TMEM245: variants seen among roughly 807,000 people sequenced by gnomAD.
TMEM245 encodes the protein transmembrane protein 245.
TMEM245 carries 69 observed loss-of-function variants against 101.2 expected under a neutral mutation model. The observed-to-expected ratio is 0.68, with a 90% CI of 0.56 to 0.83. The LOEUF (loss-of-function observed/expected upper bound fraction) is 0.83, where lower values mean the gene tolerates loss of function less well. TMEM245 is among the 40% of genes least tolerant of loss of function. TMEM245 has a pLI of 0.00. For synonymous variants in TMEM245, 537 were observed against 449.8 expected (o/e 1.19, Z -2.45); for missense variants, 1,075 against 1,092.8 (o/e 0.98, Z 0.23).
At position 109,044,522 on chromosome 9, in the gene TMEM245, C is replaced by T. The variant is rs150016486; in HGVS notation, c.2123+5761G>A. Among the ~76,000 whole-genome samples the T allele has an allele frequency of 3.1e-3, 471 of 152,226 alleles. 10 individuals are homozygous for T. The highest frequency in any genetic ancestry group is 6.3e-4 in the Non-Finnish European group (43 of 68,020). On this transcript the variant is annotated intron_variant, in intron 14 of 17. Transcript: ENST00000374586. ...TTCTAAAGGACTGTCATTCCCCTTC[C>T]CAGTATTCTAGCCTCACTGCAATAT...
chr9:109,111,719 C>A (rs1325624993), intron 1 of TMEM245, among the ~76,000 whole-genome samples: 1 of 152,024 alleles, frequency 6.6e-6, no homozygotes, highest in African/African-American at 2.4e-5. Flanking sequence ...ATGCTATCTC[C>A]AAAAATTGAG....
At position 109,119,595 on chromosome 9, in the gene TMEM245, G is replaced by C; in HGVS notation, c.319C>G (p.His107Asp). The change falls in exon 1 of 18, where the codon CAC becomes GAC. Residue 107 changes from histidine to aspartate, a missense_variant. Physicochemically the swap from His to Asp is moderately conservative, Grantham distance 81. This residue lies in a region of TMEM245 where 808 missense variants were observed against 741.5 expected (regional missense o/e 1.09). Transcript: ENST00000374586. The part of the protein sequence containing the change: ...FKSSLTRLGR[H>D]WLQRLHRAHT... Reference sequence around the variant, plus strand: ...GCGCGGTGCAGGCGCTGCAGCCAGTGGCGGCCCAGGCGCGTCAGCGAGCTC... The same window carrying C: ...GCGCGGTGCAGGCGCTGCAGCCAGTCGCGGCCCAGGCGCGTCAGCGAGCTC... 6.4e-7 allele frequency: 1 copy of C among 1,552,176 alleles called. No individual in the cohort carries two copies. The highest frequency in any genetic ancestry group is 8.7e-7 in the Non-Finnish European group (1 of 1,152,848).
At chr9:109,093,367 G>T in intron 4 of TMEM245, 108 bp downstream of exon 4, 1 of 854,406 alleles carries the variant, frequency 1.2e-6, no homozygotes, top group Non-Finnish European at 1.9e-6. Context: ...ATAAATGAAG[G>T]ATCAGCAGGA....
chr9:109,055,617 CA>C (rs947318396), intron 12 of TMEM245, among the ~76,000 whole-genome samples: 24 of 151,202 alleles, frequency 1.6e-4, no homozygotes, highest in African/African-American at 5.6e-4. Flanking sequence ...ATGAAAATTT[CA>C]ATCACGGTTT....
intron 9 of TMEM245, among the ~76,000 whole-genome samples, chr9:109,066,425 A>C (rs1030592069): frequency 5.3e-5 from 7 of 131,982 alleles, no homozygotes; most frequent in South Asian, 2.6e-4. Context: ...ACTACCCTCC[A>C]GCCTGGGCAA....
chr9:109,080,621 G>A (rs1299134969), intron 8 of TMEM245, among the ~76,000 whole-genome samples: 1 of 151,802 alleles, frequency 6.6e-6, no homozygotes, highest in Non-Finnish European at 1.5e-5. Context: ...CAAGGGTTTC[G>A]ATAAAATAAA....
chr9:109,060,171 A>G (rs1828966900), intron 11 of TMEM245, among the ~76,000 whole-genome samples, 183 bp downstream of exon 11: 1 of 152,236 alleles, frequency 6.6e-6, no homozygotes. Flanking sequence ...AGAGATAGGC[A>G]GGTTCTGCCA....
chr9:109,017,055 A>G lies in TMEM245; in HGVS notation c.*3405T>C, dbSNP rs1588007505. On this transcript the variant is annotated 3_prime_UTR_variant, in exon 18 of 18. Transcript: ENST00000374586. Reference sequence around the variant, plus strand: ...TCTGAGTATTGCTTGACCAGTAGTGACACATTCCTGAGGCACTAATATAAC... The same window carrying G: ...TCTGAGTATTGCTTGACCAGTAGTGGCACATTCCTGAGGCACTAATATAAC... The G allele has an allele frequency of 6.6e-6, 1 of 152,294 alleles. No homozygotes were observed. Among genetic ancestry groups the G allele is most frequent in the East Asian group, 1.9e-4 (1 of 5,182 alleles). 9.4% of individuals were successfully genotyped at this position (152,294 alleles called of 1,614,324 possible).
In TMEM245 at chr9:109,064,560, G is replaced by T; in HGVS notation, c.1540C>A (p.Pro514Thr). 6.2e-7 allele frequency: 1 copy of T among 1,613,382 alleles called. No individual in the cohort carries two copies. The highest frequency in any genetic ancestry group is 8.5e-7 in the Non-Finnish European group (1 of 1,179,618). The change falls in exon 10 of 18, where the codon CCT becomes ACT. Residue 514 changes from proline to threonine, a missense_variant. By Grantham distance (38) the Pro-to-Thr change is conservative. Transcript: ENST00000374586. Reference sequence around the variant, plus strand: ...GCTCTTTGGACTACCTGAGCCTCAGGAAGCCAACTAATGTAAAACAAAGAA... The same window carrying T: ...GCTCTTTGGACTACCTGAGCCTCAGTAAGCCAACTAATGTAAAACAAAGAA... ...ANHPEWANWL[P>T]EAQVVQRALN...
chr9:109,020,948 C>A (rs1435026112), intron 17 of TMEM245, among the ~76,000 whole-genome samples: 3 of 152,146 alleles, frequency 2.0e-5, no homozygotes, highest in African/African-American at 7.2e-5. Flanking sequence ...AAATAGAAAT[C>A]GTAATCCAAC....
In TMEM245 at chr9:109,048,433, G is replaced by GA. The variant is rs1053984165; in HGVS notation, c.2123+1849dup. 3.2e-3 allele frequency among the ~76,000 whole-genome samples: 418 copies of GA among 131,994 alleles called. 1 individual carries two copies. The highest frequency in any genetic ancestry group is 3.9e-3 in the African/African-American group (141 of 35,886). 86.6% of individuals were successfully genotyped at this position (131,994 alleles called of 152,430 possible). ...AGATCAATCAGGTGCAATTATCAGA[G>GA]AAAAAAAAAAAAATCAAGATTTCTG... is the stretch of plus-strand genomic sequence containing the variant. On this transcript the variant is annotated intron_variant, in intron 14 of 17. Transcript: ENST00000374586.
intron 17 of TMEM245, among the ~76,000 whole-genome samples, chr9:109,032,322 A>G (rs1285824564): frequency 7.3e-6 from 1 of 136,756 alleles, no homozygotes; most frequent in Non-Finnish European, 1.5e-5. Flanking sequence ...CCAGAAATCT[A>G]TCCCAGACTC....
At chr9:109,047,038 A>T (rs7045668) in intron 14 of TMEM245, among the ~76,000 whole-genome samples, 1 of 152,126 alleles carries the variant, frequency 6.6e-6, no homozygotes, top group African/African-American at 2.4e-5. Context: ...TAGCCTTAAA[A>T]TTACATAACT....
At chr9:109,091,299 A>C in intron 4 of TMEM245, 144 bp from the exon 5 acceptor site, 1 of 650,276 alleles carries the variant, frequency 1.5e-6, no homozygotes, top group Non-Finnish European at 2.6e-6. Context: ...AAAGACAAAA[A>C]TATTTGGACC....
chr9:109,076,602 G>A (rs558129018), intron 8 of TMEM245, among the ~76,000 whole-genome samples: 19 of 151,502 alleles, frequency 1.3e-4, no homozygotes, highest in East Asian at 3.9e-4. Context: ...CCCCTTCCCC[G>A]CCAAAAAAAA....
chr9:109,107,716 G>C (rs1187940567), intron 2 of TMEM245, among the ~76,000 whole-genome samples: 1 of 152,090 alleles, frequency 6.6e-6, no homozygotes, highest in Admixed American at 6.6e-5. Context: ...TGCTGCTCTG[G>C]GTTACTGAAT....
intron 3 of TMEM245, among the ~76,000 whole-genome samples, chr9:109,100,732 T>C (rs1381866120): frequency 1.3e-5 from 2 of 152,222 alleles, no homozygotes; most frequent in African/African-American, 4.8e-5. Flanking sequence ...AGAAGTATCT[T>C]CATCTGTAAA....
chr9:109,021,479 G>A (rs1827619523), intron 17 of TMEM245, among the ~76,000 whole-genome samples: 1 of 148,068 alleles, frequency 6.8e-6, no homozygotes, highest in African/African-American at 2.5e-5. Context: ...AAAAATATTT[G>A]ACTTTACAGT....
chr9:109,032,188 C>A (rs1353825124), intron 17 of TMEM245, among the ~76,000 whole-genome samples: 1 of 151,980 alleles, frequency 6.6e-6, no homozygotes, highest in Non-Finnish European at 1.5e-5. Context: ...ATCATTGTAT[C>A]ATTGGTTATC....
Sources: gnomAD v4.1 joint callset for allele counts (sites outside exome capture counted in the v4.1 genomes callset) on GRCh38, gnomAD v4.1.1 for gene constraint, gnomAD v4.1.1 regional missense constraint, MANE v1.5 for transcripts, NCBI Gene and HGNC (gene_info 2026-07-23, HGNC 2026-07-21) for gene names.